The following ZNF804A variants were observed in gnomAD, a reference collection of about 807,000 sequenced individuals.
The protein encoded by ZNF804A is zinc finger protein 804A.
ZNF804A carries 2 observed loss-of-function variants against 16.5 expected under a neutral mutation model. The ratio of observed to expected loss-of-function variants is 0.12; its 90% CI spans 0.05 to 0.38. The LOEUF (loss-of-function observed/expected upper bound fraction) is 0.38, where lower values mean the gene tolerates loss of function less well. Ranked by LOEUF, ZNF804A falls within the 10% of genes least tolerant of loss-of-function variation. The pLI, the probability that ZNF804A is intolerant of heterozygous loss-of-function variation, is 0.99. For missense variants in ZNF804A, 1,473 were observed against 1,390.7 expected, an observed-to-expected ratio of 1.06 and a Z score of -0.94; for synonymous variants, 534 against 489.6, an observed-to-expected ratio of 1.09 and a Z score of -1.20.
chr2:184,761,546 A>G (rs554299915), intron 1 of ZNF804A, among the ~76,000 whole-genome samples: 4 of 152,244 alleles, frequency 2.6e-5, no homozygotes, highest in African/African-American at 9.6e-5. Flanking sequence ...ATTCCAGTAC[A>G]TAATTTTAAA....
At chr2:184,846,368 AGAAAAT>A (rs1165441070) in intron 1 of ZNF804A, among the ~76,000 whole-genome samples, 1 of 152,128 alleles carries the variant, frequency 6.6e-6, no homozygotes, top group Non-Finnish European at 1.5e-5. Flanking sequence ...TACCTTTCAG[AGAAAAT>A]GGCCAATGCC....
chr2:184,643,562 C>G (rs977864402), intron 1 of ZNF804A, among the ~76,000 whole-genome samples: 27 of 151,864 alleles, frequency 1.8e-4, no homozygotes, highest in African/African-American at 6.5e-4. Context: ...AAAACTGTAT[C>G]AAAATGTTTT....
intron 1 of ZNF804A, among the ~76,000 whole-genome samples, chr2:184,759,061 G>A (rs1403637008): frequency 1.3e-5 from 2 of 151,304 alleles, no homozygotes; most frequent in African/African-American, 2.4e-5. Context: ...TAGTATATAT[G>A]TAATATGTAA....
chr2:184,728,495 A>C (rs1287889499), intron 1 of ZNF804A, among the ~76,000 whole-genome samples: 4 of 151,928 alleles, frequency 2.6e-5, no homozygotes, highest in Admixed American at 2.6e-4. Context: ...TGTTGTTTCC[A>C]GCTTTAAGCC....
Position 184,672,724 on chromosome 2 carries a change from C to T in ZNF804A, c.111+73654C>T, listed in dbSNP as rs536313865. Among the ~76,000 whole-genome samples, 382 of 151,680 alleles carry T rather than the reference C, an allele frequency of 2.5e-3. 2 individuals are homozygous for T. Among genetic ancestry groups the T allele is most frequent in the Non-Finnish European group, 3.8e-3 (257 of 67,896 alleles). On this transcript the variant is annotated intron_variant, in intron 1 of 3. Coordinates refer to ENST00000302277, the MANE Select transcript of ZNF804A (RefSeq NM_194250.2). Reference sequence around the variant, plus strand: ...TGATGGCATCTTGCCAGATGGGCAACAGATAACTATTTCTTTTTTTTTCTT... The same window carrying T: ...TGATGGCATCTTGCCAGATGGGCAATAGATAACTATTTCTTTTTTTTTCTT...
intron 1 of ZNF804A, among the ~76,000 whole-genome samples, chr2:184,794,861 G>T (rs1477145758): frequency 6.6e-6 from 1 of 151,214 alleles, no homozygotes; most frequent in Admixed American, 6.6e-5. Context: ...TTTCTAACAG[G>T]GAAATATCAC....
chr2:184,858,625 T>C (rs1439493208), intron 1 of ZNF804A, among the ~76,000 whole-genome samples: 1 of 152,120 alleles, frequency 6.6e-6, no homozygotes, highest in African/African-American at 2.4e-5. Flanking sequence ...TAATAGTGTG[T>C]TTTTGTTAAC....
chr2:184,859,419 T>A (rs1695757149), intron 1 of ZNF804A, among the ~76,000 whole-genome samples: 1 of 152,156 alleles, frequency 6.6e-6, no homozygotes, highest in Non-Finnish European at 1.5e-5. Context: ...ATTCATTGTA[T>A]TTTTCAGCTC....
At chr2:184,869,500 A>G (rs1695939040) in intron 2 of ZNF804A, among the ~76,000 whole-genome samples, 1 of 152,048 alleles carries the variant, frequency 6.6e-6, no homozygotes, top group Non-Finnish European at 1.5e-5. Context: ...TCAAACGCCC[A>G]ATGAGCTCAA....
intron 1 of ZNF804A, among the ~76,000 whole-genome samples, chr2:184,679,577 G>A (rs766422102): frequency 3.7e-4 from 57 of 152,140 alleles, no homozygotes; most frequent in Admixed American, 7.2e-4. Context: ...GCCTGCTCTC[G>A]CTATCTGTCC....
At chr2:184,662,531 T>C (rs1692190765) in intron 1 of ZNF804A, among the ~76,000 whole-genome samples, 1 of 152,220 alleles carries the variant, frequency 6.6e-6, no homozygotes, top group South Asian at 2.1e-4. Flanking sequence ...TTGAATGGTG[T>C]CTCAGTGAGT....
chr2:184,608,690 G>A (rs1691190537), intron 1 of ZNF804A, among the ~76,000 whole-genome samples: 1 of 152,168 alleles, frequency 6.6e-6, no homozygotes, highest in African/African-American at 2.4e-5. Flanking sequence ...ATTGAGAGCT[G>A]CTTTTTCCTT....
At chr2:184,705,980 T>TGC (rs1402058455) in intron 1 of ZNF804A, among the ~76,000 whole-genome samples, 5 of 152,126 alleles carry the variant, frequency 3.3e-5, no homozygotes, top group African/African-American at 9.7e-5. Context: ...ATTCACTTGA[T>TGC]TATTAAAACC....
At chr2:184,886,532 G>A (rs927166450) in intron 2 of ZNF804A, among the ~76,000 whole-genome samples, 2 of 152,232 alleles carry the variant, frequency 1.3e-5, no homozygotes, top group African/African-American at 4.8e-5. Context: ...TTTCTGCACT[G>A]CCCTAGCAGA....
At chr2:184,629,232 G>A (rs763331981) in intron 1 of ZNF804A, among the ~76,000 whole-genome samples, 6 of 151,944 alleles carry the variant, frequency 3.9e-5, no homozygotes, top group Admixed American at 3.9e-4. Context: ...ACTTTATTGT[G>A]TCTCTTGTCA....
At chr2:184,861,685 C>T (rs372830942) in intron 1 of ZNF804A, among the ~76,000 whole-genome samples, 8 of 152,100 alleles carry the variant, frequency 5.3e-5, no homozygotes, top group African/African-American at 1.9e-4. Context: ...AGGAAAGAGG[C>T]CATATGCTAT....
At chr2:184,878,622 A>T (rs1684754556) in intron 2 of ZNF804A, among the ~76,000 whole-genome samples, 1 of 152,062 alleles carries the variant, frequency 6.6e-6, no homozygotes, top group Non-Finnish European at 1.5e-5. Context: ...TTGTCAGTAA[A>T]TTATGTATTT....
At chr2:184,849,483 A>T (rs1200503488) in intron 1 of ZNF804A, among the ~76,000 whole-genome samples, 1 of 152,076 alleles carries the variant, frequency 6.6e-6, no homozygotes, top group Admixed American at 6.6e-5. Flanking sequence ...ATATGAAAAA[A>T]TGCTCAATGC....
chr2:184,838,072 C>T (rs1473465121), intron 1 of ZNF804A, among the ~76,000 whole-genome samples: 1 of 152,046 alleles, frequency 6.6e-6, no homozygotes, highest in Non-Finnish European at 1.5e-5. Flanking sequence ...ACGTGGGAGC[C>T]TCTCTCAGGG....
Sources: allele counts gnomAD v4.1 joint callset (sites outside exome capture counted in the v4.1 genomes callset), GRCh38; gene constraint gnomAD v4.1.1; transcripts MANE v1.5; gene names NCBI Gene and HGNC (gene_info 2026-07-23, HGNC 2026-07-21).